Variants in LRRC1 observed in about 807,000 individuals in gnomAD.
LRRC1 encodes leucine-rich repeat-containing protein 1.
In LRRC1, 28 loss-of-function variants were observed where a neutral mutation model predicts 69.9. That is an observed-to-expected ratio of 0.40 (90% CI 0.30 to 0.55). The LOEUF is 0.55. Among genes scored for constraint, LRRC1 ranks in the 20% least tolerant of loss-of-function variants. The pLI is 0.47. For missense variants in LRRC1, 498 were observed against 609.0 expected (o/e 0.82, Z 1.92); for synonymous variants, 236 against 240.2 (o/e 0.98, Z 0.16).
chr6:53,863,902 T>C (rs183066034), intron 2 of LRRC1, among the ~76,000 whole-genome samples: 1 of 152,340 alleles, frequency 6.6e-6, no homozygotes, highest in Admixed American at 6.5e-5. Flanking sequence ...TAAATTCAGC[T>C]TTATTATCAG....
intron 2 of LRRC1, among the ~76,000 whole-genome samples, chr6:53,851,558 G>T (rs1766138263): frequency 6.6e-6 from 1 of 152,138 alleles, no homozygotes; most frequent in Non-Finnish European, 1.5e-5. Context: ...TCTCCTTTTT[G>T]AGTCTAACCA....
intron 8 of LRRC1, among the ~76,000 whole-genome samples, chr6:53,900,969 G>A (rs552630150): frequency 8.5e-5 from 13 of 152,292 alleles, no homozygotes; most frequent in Admixed American, 4.6e-4. Flanking sequence ...CACTCCCTCC[G>A]TGGTATGTGG....
At chr6:53,849,755 A>G (rs1766067540) in intron 2 of LRRC1, among the ~76,000 whole-genome samples, 1 of 152,264 alleles carries the variant, frequency 6.6e-6, no homozygotes, top group Non-Finnish European at 1.5e-5. Flanking sequence ...TAAGTGTTGA[A>G]TAAGTCCTTA....
chr6:53,888,245 C>G (rs1767554073), intron 4 of LRRC1, among the ~76,000 whole-genome samples: 1 of 152,062 alleles, frequency 6.6e-6, no homozygotes. Flanking sequence ...CCTAAGGAAT[C>G]TGCAAAAATT....
intron 1 of LRRC1, among the ~76,000 whole-genome samples, chr6:53,803,080 G>A (rs370018605): frequency 6.6e-6 from 1 of 152,118 alleles, no homozygotes; most frequent in Non-Finnish European, 1.5e-5. Context: ...AATTTCCCCC[G>A]TTGCCGGAAT....
At chr6:53,914,285 G>C (rs1373867293) in intron 11 of LRRC1, among the ~76,000 whole-genome samples, 1 of 152,132 alleles carries the variant, frequency 6.6e-6, no homozygotes, top group Admixed American at 6.5e-5. Context: ...CTTGGGTTGT[G>C]ACTTAGCTCT....
intron 9 of LRRC1, among the ~76,000 whole-genome samples, chr6:53,903,428 A>C (rs1393358271): frequency 6.6e-6 from 1 of 152,018 alleles, no homozygotes; most frequent in African/African-American, 2.4e-5. Context: ...TGCTTTTGTC[A>C]GCCCTTCAGT....
At chr6:53,802,854 C>T (rs1157035721) in intron 1 of LRRC1, among the ~76,000 whole-genome samples, 1 of 152,134 alleles carries the variant, frequency 6.6e-6, no homozygotes, top group Non-Finnish European at 1.5e-5. Context: ...TAACTTGAAA[C>T]TCATTGCTTG....
intron 1 of LRRC1, among the ~76,000 whole-genome samples, chr6:53,825,501 T>G (rs1765230196): frequency 6.6e-6 from 1 of 152,204 alleles, no homozygotes; most frequent in Non-Finnish European, 1.5e-5. Flanking sequence ...GTCATTGGTA[T>G]GGGAAATAAA....
chr6:53,833,448 A>C (rs1314005504), intron 1 of LRRC1, among the ~76,000 whole-genome samples: 1 of 152,234 alleles, frequency 6.6e-6, no homozygotes, highest in African/African-American at 2.4e-5. Flanking sequence ...ATTAAAATAT[A>C]CCAGCAAATG....
intron 2 of LRRC1, among the ~76,000 whole-genome samples, chr6:53,864,816 A>C (rs1372219485): frequency 6.6e-6 from 1 of 152,110 alleles, no homozygotes; most frequent in Non-Finnish European, 1.5e-5. Flanking sequence ...TGTTTCTCCC[A>C]GTGCCTAGGA....
intron 1 of LRRC1, among the ~76,000 whole-genome samples, chr6:53,827,144 A>G (rs935516641): frequency 2.6e-5 from 4 of 152,176 alleles, no homozygotes; most frequent in African/African-American, 9.7e-5. Context: ...GTAATTCTTA[A>G]AATGTGGCAG....
At chr6:53,807,540 G>T (rs1764667807) in intron 1 of LRRC1, among the ~76,000 whole-genome samples, 2 of 152,232 alleles carry the variant, frequency 1.3e-5, no homozygotes, top group African/African-American at 4.8e-5. Context: ...GAGGTTGGGA[G>T]TTCAAAACCA....
intron 1 of LRRC1, among the ~76,000 whole-genome samples, chr6:53,807,219 T>C (rs527745719): frequency 6.6e-6 from 1 of 152,246 alleles, no homozygotes; most frequent in East Asian, 1.9e-4. Flanking sequence ...CAGAGACATC[T>C]TGGTTCAGGA....
intron 1 of LRRC1, among the ~76,000 whole-genome samples, chr6:53,797,244 G>A (rs1764328525): frequency 6.6e-6 from 1 of 152,038 alleles, no homozygotes. Flanking sequence ...TAGTCTGATG[G>A]CACTCTGTAA....
At chr6:53,823,786 G>A (rs1456599041) in intron 1 of LRRC1, among the ~76,000 whole-genome samples, 23 of 152,046 alleles carry the variant, frequency 1.5e-4, no homozygotes, top group Admixed American at 1.5e-3. Flanking sequence ...GATAATGGCC[G>A]CCATCCCATC....
At chr6:53,839,485 T>C (rs1374214877) in intron 1 of LRRC1, among the ~76,000 whole-genome samples, 1 of 152,198 alleles carries the variant, frequency 6.6e-6, no homozygotes, top group African/African-American at 2.4e-5. Flanking sequence ...ATAAGCTGTT[T>C]AGTGTGACAG....
chr6:53,800,748 T>C (rs1764458634), intron 1 of LRRC1, among the ~76,000 whole-genome samples: 1 of 151,512 alleles, frequency 6.6e-6, no homozygotes, highest in Non-Finnish European at 1.5e-5. Flanking sequence ...CAAGCGATTC[T>C]CCTGTCTCAG....
intron 2 of LRRC1, among the ~76,000 whole-genome samples, chr6:53,875,764 T>C (rs1767046071): frequency 6.6e-6 from 1 of 152,202 alleles, no homozygotes; most frequent in Admixed American, 6.5e-5. Context: ...TTTTATTATT[T>C]AAATGATTTG....
Sources: gnomAD v4.1 joint callset for allele counts (sites outside exome capture counted in the v4.1 genomes callset) on GRCh38, gnomAD v4.1.1 for gene constraint, MANE v1.5 for transcripts, NCBI Gene and HGNC (gene_info 2026-07-23, HGNC 2026-07-21) for gene names.